Variants in CABLES1 observed in about 807,000 individuals in gnomAD.
CABLES1 encodes Cdk5 and Abl enzyme substrate 1, also known as CDK5 and ABL1 enzyme substrate 1.
A neutral mutation model predicts 57.8 loss-of-function variants in CABLES1; 36 were observed. The observed-to-expected ratio is 0.62, with a 90% confidence interval of 0.48 to 0.82. The LOEUF is 0.82. Among genes scored for constraint, CABLES1 ranks in the 40% least tolerant of loss-of-function variants. The probability of loss-of-function intolerance (pLI) is 0.00; values close to 1 mark genes in which losing one functional copy is unlikely to be tolerated. For synonymous variants in CABLES1, 374 were observed against 363.0 expected (o/e 1.03, Z -0.35); for missense variants, 767 against 836.6 (o/e 0.92, Z 1.03).
At chr18:23,254,331 T>C (rs2048112008) in intron 9 of CABLES1, among the ~76,000 whole-genome samples, 1 of 152,206 alleles carries the variant, frequency 6.6e-6, no homozygotes, top group African/African-American at 2.4e-5. Flanking sequence ...TGGCTCCTCT[T>C]TGGGGAAAGG....
At chr18:23,257,126 C>T in intron 9 of CABLES1, 101 bp from the exon 10 acceptor site, 7 of 1,354,072 alleles carry the variant, frequency 5.2e-6, no homozygotes, top group Admixed American at 4.0e-5. Context: ...GTGGATTTCT[C>T]CTGAGCACTC....
In CABLES1 at chr18:23,253,075, G is replaced by A. The variant is rs1020712759; in HGVS notation, c.1553+9G>A. On this transcript the variant is annotated intron_variant, in intron 8 of 9. Transcript: ENST00000256925. ...CTCAGCAAAATTAGGAGGTACGGGA[G>A]GCTGGACTTGCCTGTGACCTTTCCC... is the stretch of plus-strand genomic sequence containing the variant. 2 of 1,537,860 alleles carry A rather than the reference G, an allele frequency of 1.3e-6. No individual in the cohort carries two copies. The highest frequency in any genetic ancestry group is 1.8e-6 in the Non-Finnish European group (2 of 1,110,738).
At chr18:23,223,115 T>A (rs1165589644) in intron 4 of CABLES1, among the ~76,000 whole-genome samples, 1 of 152,246 alleles carries the variant, frequency 6.6e-6, no homozygotes, top group Non-Finnish European at 1.5e-5. Flanking sequence ...CTGCAGTCTT[T>A]GCTCGAGCCC....
At chr18:23,185,138 T>A (rs895225761) in intron 1 of CABLES1, among the ~76,000 whole-genome samples, 1 of 152,246 alleles carries the variant, frequency 6.6e-6, no homozygotes, top group Non-Finnish European at 1.5e-5. Flanking sequence ...CATCTGGTTC[T>A]TTTCCAAATG....
At chr18:23,239,751 G>A (rs376892217) in intron 7 of CABLES1, among the ~76,000 whole-genome samples, 5 of 152,340 alleles carry the variant, frequency 3.3e-5, no homozygotes, top group African/African-American at 1.2e-4. Context: ...CTTGGAGTGA[G>A]TGGGGATGTC....
intron 9 of CABLES1, among the ~76,000 whole-genome samples, chr18:23,256,408 A>T (rs1320205577): frequency 6.6e-6 from 1 of 152,246 alleles, no homozygotes; most frequent in Non-Finnish European, 1.5e-5. Context: ...GAAAGGACTG[A>T]ACTACATAGA....
At chr18:23,233,252 C>T (rs142000487) in intron 4 of CABLES1, among the ~76,000 whole-genome samples, 343 of 152,234 alleles carry the variant, frequency 2.3e-3, no homozygotes, top group African/African-American at 7.7e-3. Flanking sequence ...CAGAGATCCC[C>T]GTACAATTCT....
chr18:23,150,191 A>ATAG (rs1183664510), intron 1 of CABLES1, among the ~76,000 whole-genome samples: 1 of 145,160 alleles, frequency 6.9e-6, no homozygotes, highest in Non-Finnish European at 1.5e-5. Flanking sequence ...TTTTAAGGTC[A>ATAG]TAGTAGTTGG....
At chr18:23,178,276 A>C (rs2047139458) in intron 1 of CABLES1, among the ~76,000 whole-genome samples, 1 of 151,204 alleles carries the variant, frequency 6.6e-6, no homozygotes, top group South Asian at 2.1e-4. Context: ...TGCGTATTCC[A>C]TTGTGTGCCC....
intron 3 of CABLES1, among the ~76,000 whole-genome samples, chr18:23,198,638 G>A (rs549090603): frequency 1.3e-5 from 2 of 152,342 alleles, no homozygotes; most frequent in African/African-American, 2.4e-5. Flanking sequence ...AGGCAGGATC[G>A]TCAGTGTCAA....
At chr18:23,223,221 A>G (rs1051111307) in intron 4 of CABLES1, among the ~76,000 whole-genome samples, 1 of 152,172 alleles carries the variant, frequency 6.6e-6, no homozygotes, top group Non-Finnish European at 1.5e-5. Flanking sequence ...TGTGAGCAAC[A>G]TGTAAGTCAC....
At chr18:23,240,109 C>T (rs2047697236) in intron 7 of CABLES1, among the ~76,000 whole-genome samples, 1 of 152,082 alleles carries the variant, frequency 6.6e-6, no homozygotes, top group Admixed American at 6.5e-5. Context: ...TAAAGCAAGA[C>T]CCTGTCTCAA....
intron 3 of CABLES1, among the ~76,000 whole-genome samples, chr18:23,205,021 C>T (rs1237125811): frequency 6.6e-6 from 1 of 152,128 alleles, no homozygotes; most frequent in Non-Finnish European, 1.5e-5. Context: ...GAGGAGACAT[C>T]AGTCCTTGGT....
intron 8 of CABLES1, among the ~76,000 whole-genome samples, chr18:23,253,324 A>C (rs570060586): frequency 4.6e-5 from 7 of 152,286 alleles, no homozygotes; most frequent in African/African-American, 1.4e-4. Context: ...CTCTACTAAA[A>C]ATTTAAAAAT....
At chr18:23,162,816 T>C (rs1217745443) in intron 1 of CABLES1, among the ~76,000 whole-genome samples, 1 of 152,116 alleles carries the variant, frequency 6.6e-6, no homozygotes, top group African/African-American at 2.4e-5. Flanking sequence ...AGGAAGCCAG[T>C]GTGGCCGAGG....
At chr18:23,155,069 T>A (rs1157519836) in intron 1 of CABLES1, among the ~76,000 whole-genome samples, 1 of 152,168 alleles carries the variant, frequency 6.6e-6, no homozygotes, top group Admixed American at 6.5e-5. Flanking sequence ...TATATTTCAA[T>A]CCAGTACTCT....
At chr18:23,196,749 G>T (rs1244589929) in intron 3 of CABLES1, 2 of 152,350 alleles carry the variant, frequency 1.3e-5, no homozygotes, top group African/African-American at 4.8e-5. Flanking sequence ...CTCAGAAATG[G>T]GAGGTGAGTG....
intron 1 of CABLES1, among the ~76,000 whole-genome samples, chr18:23,175,655 C>T (rs1382325173): frequency 1.3e-5 from 2 of 152,136 alleles, no homozygotes; most frequent in Non-Finnish European, 2.9e-5. Flanking sequence ...TGCCATGTTG[C>T]CCAGGCTGGT....
intron 6 of CABLES1, among the ~76,000 whole-genome samples, chr18:23,236,532 G>A (rs954846210): frequency 1.2e-4 from 19 of 152,148 alleles, no homozygotes; most frequent in African/African-American, 4.3e-4. Context: ...TCAAACCTTT[G>A]TAAGAACTGG....
Sources: allele counts gnomAD v4.1 joint callset (sites outside exome capture counted in the v4.1 genomes callset), GRCh38; gene constraint gnomAD v4.1.1; transcripts MANE v1.5; gene names NCBI Gene and HGNC (gene_info 2026-07-23, HGNC 2026-07-21).